NRXN1: variants seen among roughly 807,000 people sequenced by gnomAD.
NRXN1 encodes the protein neurexin 1, also known as neurexin-1.
Under a neutral mutation model 150.9 loss-of-function variants are expected in NRXN1, and 39 were observed. That is an observed-to-expected ratio of 0.26 (90% confidence interval 0.20 to 0.34). The LOEUF (loss-of-function observed/expected upper bound fraction) is 0.34. NRXN1 is among the 10% of genes least tolerant of loss of function. The pLI, the probability that NRXN1 is intolerant of heterozygous loss-of-function variation, is 1.00. For synonymous variants in NRXN1, 924 were observed against 757.0 expected, an observed-to-expected ratio of 1.22 and a Z score of -3.62; for missense variants, 1,815 against 1,949.9, an observed-to-expected ratio of 0.93 and a Z score of 1.30.
chr2:50,525,669 T>C (rs1460592733), intron 12 of NRXN1, among the ~76,000 whole-genome samples: 1 of 152,206 alleles, frequency 6.6e-6, no homozygotes, highest in Non-Finnish European at 1.5e-5. Flanking sequence ...AAAACATACA[T>C]TTGGCAGTGA....
chr2:50,768,467 ATTTT>A (rs111995079), intron 5 of NRXN1, among the ~76,000 whole-genome samples: 2 of 144,318 alleles, frequency 1.4e-5, no homozygotes, highest in African/African-American at 5.1e-5. Flanking sequence ...CACCCTGATG[ATTTT>A]TTTTTTTTTA....
chr2:50,095,303 A>G (rs1319251979), intron 18 of NRXN1, among the ~76,000 whole-genome samples: 2 of 152,218 alleles, frequency 1.3e-5, no homozygotes, highest in East Asian at 3.9e-4. Context: ...ATATTTTTAC[A>G]GAACAAGTTT....
chr2:50,145,105 T>C (rs1014206761), intron 18 of NRXN1, among the ~76,000 whole-genome samples: 1 of 151,732 alleles, frequency 6.6e-6, no homozygotes, highest in African/African-American at 2.4e-5. Flanking sequence ...AAAAGCATAT[T>C]TTTAGTATTT....
chr2:50,668,172 G>C (rs1396557639), intron 5 of NRXN1, among the ~76,000 whole-genome samples: 1 of 151,902 alleles, frequency 6.6e-6, no homozygotes, highest in African/African-American at 2.4e-5. Flanking sequence ...GGTCACACTT[G>C]ATTATCCATT....
chr2:50,320,312 A>ATATATATATATATATATGTG (rs1558519091), intron 17 of NRXN1, among the ~76,000 whole-genome samples: 6 of 125,348 alleles, frequency 4.8e-5, no homozygotes, highest in African/African-American at 1.9e-4. Flanking sequence ...ATATATATAT[A>ATATATATATATATATATGTG]TATATATATA....
At chr2:50,727,899 A>G (rs1396402923) in intron 5 of NRXN1, among the ~76,000 whole-genome samples, 2 of 152,164 alleles carry the variant, frequency 1.3e-5, no homozygotes, top group Non-Finnish European at 2.9e-5. Flanking sequence ...TCCCTGAATT[A>G]CTGTCAGCGT....
chr2:50,743,027 G>C (rs1317353675), intron 5 of NRXN1, among the ~76,000 whole-genome samples: 3 of 152,152 alleles, frequency 2.0e-5, no homozygotes, highest in Admixed American at 2.0e-4. Flanking sequence ...AGAAATAAAA[G>C]TATAAGAAAA....
intron 2 of NRXN1, among the ~76,000 whole-genome samples, chr2:51,017,832 TA>T (rs1188503137): frequency 6.6e-6 from 1 of 152,010 alleles, no homozygotes; most frequent in Non-Finnish European, 1.5e-5. Context: ...TGCTGGAAAA[TA>T]AATCAATTTT....
At chr2:50,827,445 C>T (rs1670608176) in intron 5 of NRXN1, among the ~76,000 whole-genome samples, 1 of 152,078 alleles carries the variant, frequency 6.6e-6, no homozygotes, top group African/African-American at 2.4e-5. Context: ...TCCCAAATGG[C>T]ATTACTCTTA....
At chr2:50,181,174 T>C (rs1406412251) in intron 18 of NRXN1, among the ~76,000 whole-genome samples, 1 of 152,070 alleles carries the variant, frequency 6.6e-6, no homozygotes, top group Admixed American at 6.6e-5. Flanking sequence ...TGCATGATGA[T>C]ATTTACTAAA....
At chr2:50,528,523 G>A (rs2093017072) in intron 12 of NRXN1, 102 bp downstream of exon 12, 4 of 719,556 alleles carry the variant, frequency 5.6e-6, no homozygotes, top group Middle Eastern at 2.4e-4. Flanking sequence ...GAGCTCATGA[G>A]TTTTATAAAC....
In NRXN1 at chr2:50,465,671, A is replaced by C. The variant is rs200579876; in HGVS notation, c.3245-110T>G. On this transcript the variant is annotated intron_variant, in intron 16 of 22. Transcript: ENST00000401669. Reference sequence around the variant, plus strand: ...GCCAACACCACAGATGATATGTCCAAACTAGTTTTTAAAGTTCTAGTTCAC... The same window carrying C: ...GCCAACACCACAGATGATATGTCCACACTAGTTTTTAAAGTTCTAGTTCAC... 3 of 1,205,484 alleles carry C rather than the reference A, an allele frequency of 2.5e-6. No homozygotes were observed. In the Middle Eastern group the frequency reaches 6.6e-4, roughly 266 times the overall value. 74.7% of individuals were successfully genotyped at this position (1,205,484 alleles called of 1,614,324 possible). A position where few individuals can be genotyped will look rare whatever the true frequency, so the allele number is the denominator to read the frequency against.
rs181117530 is a variant in NRXN1, at chr2:50,763,442, C to T, written c.833-139827G>A. Among the ~76,000 whole-genome samples, 91 of 152,074 alleles carry T rather than the reference C, an allele frequency of 6.0e-4. 2 individuals carry two copies. Among genetic ancestry groups the T allele is most frequent in the Non-Finnish European group, 4.9e-4 (33 of 67,934 alleles). ...AAGATAATGCATATACAAAATACAG[C>T]TTAATTAATGCCTAATACTAGTAAG... is the stretch of plus-strand genomic sequence containing the variant. On this transcript the variant is annotated intron_variant, in intron 5 of 22. Transcript: ENST00000401669.
At position 50,293,511 on chromosome 2, in the gene NRXN1, C is replaced by A. The variant is rs2073195214; in HGVS notation, c.3365-56541G>T. On this transcript the variant is annotated intron_variant, in intron 17 of 22. Coordinates refer to ENST00000401669, the MANE Select transcript of NRXN1 (RefSeq NM_001330078.2). ...ATCTATGAAGCTATGTAGCAAATGC[C>A]TAAAAGAACAAAATTCAATACTGCT... is the stretch of plus-strand genomic sequence containing the variant. Among the ~76,000 whole-genome samples the A allele has an allele frequency of 2.0e-5, 3 of 152,056 alleles. No homozygotes were observed. The South Asian group carries it at 6.2e-4, about 32-fold the overall frequency.
chr2:50,014,163 C>T (rs1162199948), intron 21 of NRXN1, among the ~76,000 whole-genome samples: 3 of 149,642 alleles, frequency 2.0e-5, no homozygotes, highest in African/African-American at 4.9e-5. Context: ...TATAGCAGAG[C>T]GAATAGTGTT....
At chr2:50,313,359 TGTTTATTTA>T (rs2075334005) in intron 17 of NRXN1, among the ~76,000 whole-genome samples, 1 of 151,996 alleles carries the variant, frequency 6.6e-6, no homozygotes, top group Non-Finnish European at 1.5e-5. Flanking sequence ...CTAGGATGAG[TGTTTATTTA>T]GTTTATTTAT....
chr2:50,823,735 A>G (rs1374600320), intron 5 of NRXN1, among the ~76,000 whole-genome samples: 4 of 152,166 alleles, frequency 2.6e-5, no homozygotes, highest in African/African-American at 9.6e-5. Context: ...ATCCACAGTA[A>G]ATGTCCAGTA....
intron 17 of NRXN1, among the ~76,000 whole-genome samples, chr2:50,424,144 G>GAGC (rs1209251415): frequency 8.9e-6 from 1 of 111,990 alleles, no homozygotes; most frequent in African/African-American, 3.6e-5. Flanking sequence ...GGAGGAGGAG[G>GAGC]GGGGGAGGAG....
intron 17 of NRXN1, among the ~76,000 whole-genome samples, chr2:50,403,994 A>G (rs755847106): frequency 6.6e-6 from 1 of 152,092 alleles, no homozygotes; most frequent in African/African-American, 2.4e-5. Context: ...CAGTTTCTCT[A>G]TAGATACAAT....
Sources: allele counts gnomAD v4.1 joint callset (sites outside exome capture counted in the v4.1 genomes callset), GRCh38; gene constraint gnomAD v4.1.1; transcripts MANE v1.5; gene names NCBI Gene and HGNC (gene_info 2026-07-23, HGNC 2026-07-21).